SBF2: variants seen among roughly 807,000 people sequenced by gnomAD.
SBF2 encodes the protein myotubularin-related protein 13.
SBF2 carries 112 observed loss-of-function variants against 225.2 expected under a neutral mutation model. The observed-to-expected ratio is 0.50, with a 90% CI of 0.43 to 0.58. The LOEUF is 0.58. SBF2 is among the 20% of genes least tolerant of loss of function. SBF2 has a pLI of 0.00. For synonymous variants in SBF2, 763 were observed against 773.3 expected, an observed-to-expected ratio of 0.99 and a Z score of 0.22; for missense variants, 1,996 against 2,206.2, an observed-to-expected ratio of 0.90 and a Z score of 1.91.
chr11:10,014,505 T>TAAA (rs1181315538), intron 6 of SBF2, among the ~76,000 whole-genome samples: 6,599 of 70,562 alleles, frequency 0.094, 306 homozygotes, highest in East Asian at 0.29. Context: ...CCATTTCAAC[T>TAAA]AAAAAAAAAA....
At chr11:9,942,547 T>C (rs1865315856) in intron 16 of SBF2, among the ~76,000 whole-genome samples, 1 of 152,198 alleles carries the variant, frequency 6.6e-6, no homozygotes, top group South Asian at 2.1e-4. Flanking sequence ...GGGGAAAGAA[T>C]ACAGAAGACA....
intron 1 of SBF2, among the ~76,000 whole-genome samples, chr11:10,261,495 G>A (rs1395904728): frequency 2.0e-5 from 3 of 152,154 alleles, no homozygotes; most frequent in Non-Finnish European, 1.5e-5. Flanking sequence ...GAGCCACTGT[G>A]CCCAGCCAAC....
chr11:9,823,043 C>A (rs1854863820), intron 28 of SBF2, among the ~76,000 whole-genome samples: 1 of 152,104 alleles, frequency 6.6e-6, no homozygotes, highest in African/African-American at 2.4e-5. Flanking sequence ...TAAAAAGCTG[C>A]CTCCAAGTGG....
At chr11:9,901,483 C>T (rs1488084847) in intron 16 of SBF2, among the ~76,000 whole-genome samples, 6 of 152,148 alleles carry the variant, frequency 3.9e-5, no homozygotes, top group Non-Finnish European at 7.3e-5. Flanking sequence ...AGGTCAGACA[C>T]GCCCCATTAC....
chr11:9,842,114 TA>T (rs1168338231), intron 25 of SBF2, among the ~76,000 whole-genome samples: 1 of 152,212 alleles, frequency 6.6e-6, no homozygotes, highest in Non-Finnish European at 1.5e-5. Flanking sequence ...TTTCTGCCTC[TA>T]TTTTTCCCAC....
intron 3 of SBF2, among the ~76,000 whole-genome samples, chr11:10,042,428 G>A (rs1037829005): frequency 9.9e-5 from 15 of 152,092 alleles, no homozygotes; most frequent in African/African-American, 3.6e-4. Flanking sequence ...CCCCTAAGAA[G>A]AATGAGTTAA....
intron 2 of SBF2, among the ~76,000 whole-genome samples, chr11:10,171,058 C>G (rs1231673504): frequency 6.6e-6 from 1 of 152,002 alleles, no homozygotes; most frequent in Non-Finnish European, 1.5e-5. Context: ...TTACATTTTT[C>G]CAGATATAAG....
intron 2 of SBF2, among the ~76,000 whole-genome samples, chr11:10,074,314 T>C (rs948744582): frequency 6.6e-6 from 1 of 152,204 alleles, no homozygotes; most frequent in Non-Finnish European, 1.5e-5. Flanking sequence ...TAGCACTATA[T>C]TTGATAAATA....
At chr11:10,129,148 G>A (rs1018767721) in intron 2 of SBF2, among the ~76,000 whole-genome samples, 2 of 131,798 alleles carry the variant, frequency 1.5e-5, no homozygotes, top group African/African-American at 5.7e-5. Context: ...CGCTCCATCA[G>A]GCTGGAGTGC....
chr11:9,989,603 A>G lies in SBF2; in HGVS notation c.1297-8T>C, dbSNP rs756080689. On this transcript the variant is annotated splice_polypyrimidine_tract_variant and splice_region_variant and intron_variant, in intron 12 of 39. Coordinates refer to ENST00000256190, the MANE Select transcript of SBF2 (RefSeq NM_030962.4). ...TACTTCAAAGGCTACCAACTAGGAA[A>G]AAGAATCAAATGGCAAAACATCAAT... is the stretch of plus-strand genomic sequence containing the variant. 9.9e-6 allele frequency: 15 copies of G among 1,515,856 alleles called. No homozygotes were observed. In the South Asian group the frequency reaches 1.5e-4, roughly 15 times the overall value. 93.9% of individuals were successfully genotyped at this position (1,515,856 alleles called of 1,614,324 possible).
intron 16 of SBF2, among the ~76,000 whole-genome samples, chr11:9,952,395 T>C (rs1166378792): frequency 5.9e-5 from 9 of 152,214 alleles, no homozygotes; most frequent in Admixed American, 1.3e-4. Context: ...CAATCCTCTA[T>C]TTTTTATGTT....
intron 2 of SBF2, among the ~76,000 whole-genome samples, chr11:10,184,990 C>T (rs889234843): frequency 2.6e-5 from 4 of 152,152 alleles, no homozygotes; most frequent in African/African-American, 9.7e-5. Context: ...GCTTATTTCC[C>T]TTAACATAGT....
intron 2 of SBF2, among the ~76,000 whole-genome samples, chr11:10,055,177 C>T (rs903279461): frequency 2.6e-5 from 4 of 152,070 alleles, no homozygotes; most frequent in Admixed American, 6.5e-5. Flanking sequence ...GCTGAGATTA[C>T]AGGTGTGAGC....
At chr11:9,793,778 TG>T (rs1852915156) in intron 33 of SBF2, among the ~76,000 whole-genome samples, 1 of 152,156 alleles carries the variant, frequency 6.6e-6, no homozygotes, top group Non-Finnish European at 1.5e-5. Flanking sequence ...GCCTGGACCT[TG>T]GAAGTTTTAA....
At position 9,842,787 on chromosome 11, in the gene SBF2, C is replaced by G; in HGVS notation, c.3111-17G>C. On this transcript the variant is annotated splice_polypyrimidine_tract_variant and intron_variant, in intron 24 of 39. Coordinates refer to ENST00000256190, the MANE Select transcript of SBF2 (RefSeq NM_030962.4). ...GAGAAGGTACTACAAGTCATAAAACCAAAGAGAATGTCAACTTAATATAAA... is the reference window on the plus strand; with the variant it reads ...GAGAAGGTACTACAAGTCATAAAACGAAAGAGAATGTCAACTTAATATAAA... The G allele has an allele frequency of 6.2e-7, 1 of 1,613,392 alleles. No individual in the cohort carries two copies. Among genetic ancestry groups the G allele is most frequent in the Non-Finnish European group, 8.5e-7 (1 of 1,179,496 alleles).
chr11:10,116,030 G>A (rs7121617), intron 2 of SBF2, among the ~76,000 whole-genome samples: 6,118 of 152,098 alleles, frequency 0.04, 341 homozygotes, highest in East Asian at 0.17. Context: ...TTAGCCAGGC[G>A]TGGTGATGGG....
At chr11:10,143,860 G>A (rs1353815168) in intron 2 of SBF2, among the ~76,000 whole-genome samples, 2 of 152,130 alleles carry the variant, frequency 1.3e-5, no homozygotes, top group African/African-American at 4.8e-5. Context: ...TGGGACTACA[G>A]GCACTCGCTA....
At chr11:10,172,542 G>C (rs1041886285) in intron 2 of SBF2, among the ~76,000 whole-genome samples, 1 of 151,674 alleles carries the variant, frequency 6.6e-6, no homozygotes, top group African/African-American at 2.4e-5. Context: ...TAGTAGAGAC[G>C]GGGTTTCACC....
At chr11:9,910,181 G>T (rs964577164) in intron 16 of SBF2, among the ~76,000 whole-genome samples, 1 of 151,900 alleles carries the variant, frequency 6.6e-6, no homozygotes, top group Non-Finnish European at 1.5e-5. Flanking sequence ...ATGATGGACT[G>T]CATATATGAT....
Sources: gnomAD v4.1 joint callset for allele counts (sites outside exome capture counted in the v4.1 genomes callset) on GRCh38, gnomAD v4.1.1 for gene constraint, MANE v1.5 for transcripts, NCBI Gene and HGNC (gene_info 2026-07-23, HGNC 2026-07-21) for gene names.